Variants in DGKD observed in about 807,000 individuals in gnomAD.
DGKD encodes the protein DAG kinase delta.
A neutral mutation model predicts 154.4 loss-of-function variants in DGKD; 68 were observed. That is an observed-to-expected ratio of 0.44 (90% confidence interval 0.36 to 0.54). DGKD has a LOEUF of 0.54. Ranked by LOEUF, DGKD falls within the 20% of genes least tolerant of loss-of-function variation. The pLI, the probability that DGKD is intolerant of heterozygous loss-of-function variation, is 0.00. For missense variants in DGKD, 1,343 were observed against 1,593.6 expected (o/e 0.84, Z 2.68); for synonymous variants, 693 against 638.0 (o/e 1.09, Z -1.30).
At position 233,438,228 on chromosome 2, in the gene DGKD, G is replaced by T. The variant is rs1165340508; in HGVS notation, c.934G>T (p.Ala312Ser). 1 of 1,614,022 alleles carries T rather than the reference G, an allele frequency of 6.2e-7. No individual in the cohort carries two copies. ...GTTCTTGCGTCCAGGGTTCTGGAAGGCCAGCTGTCCTCCTTCTTGCACAAG... is the reference window on the plus strand; with the variant it reads ...GTTCTTGCGTCCAGGGTTCTGGAAGTCCAGCTGTCCTCCTTCTTGCACAAG... ...NSIDSDGFWK[A>S]SCPPSCTSPL... The change falls in exon 9 of 30, where the codon GCC becomes TCC. Residue 312 changes from alanine (A) to serine (S), a missense_variant. Physicochemically the swap from Ala to Ser is moderately conservative, Grantham distance 99. Around this residue, in one of 6 missense-constraint regions of DGKD, gnomAD observed 332 missense variants for 400.1 expected, o/e 0.83. Transcript: ENST00000264057. The surrounding 1 kb of genome is among the most constrained non-coding windows in gnomAD (Gnocchi z 4.1).
intron 12 of DGKD, 132 bp downstream of exon 12, chr2:233,446,928 G>GAGGC: frequency 9.7e-7 from 1 of 1,027,998 alleles, no homozygotes; most frequent in South Asian, 1.6e-5. Flanking sequence ...CAGGCCTGCG[G>GAGGC]AGGCGCAGGG....
chr2:233,428,175 T>C (rs757260884), intron 3 of DGKD, among the ~76,000 whole-genome samples: 1 of 151,698 alleles, frequency 6.6e-6, no homozygotes, highest in African/African-American at 2.4e-5. Flanking sequence ...TGCCTGCTGG[T>C]TGGTGTGGGG....
At position 233,470,452 on chromosome 2, in the gene DGKD, C is replaced by T. The variant is rs2063975633; in HGVS notation, c.*992C>T. 6.5e-6 allele frequency: 1 copy of T among 152,676 alleles called. No homozygotes were observed. The highest frequency in any genetic ancestry group is 1.5e-5 in the Non-Finnish European group (1 of 68,354). 9.5% of individuals were successfully genotyped at this position (152,676 alleles called of 1,614,324 possible). ...GCCGGAGGCTCTCCTGAGTGTCTGC[C>T]CCTGCAGTGGCTTCTTGTCGCCTGC... On this transcript the variant is annotated 3_prime_UTR_variant, in exon 30 of 30. Transcript: ENST00000264057.
intron 3 of DGKD, among the ~76,000 whole-genome samples, chr2:233,396,683 A>C (rs986736661): frequency 6.6e-6 from 1 of 152,132 alleles, no homozygotes; most frequent in African/African-American, 2.4e-5. Flanking sequence ...TGGTAAATCC[A>C]CTGAGGGAAG....
chr2:233,433,492 A>G lies in DGKD; in HGVS notation c.349-888A>G, dbSNP rs541040570. The stretch of plus-strand genomic sequence containing the variant: ...GGATGGTTAATAGGTACAAAAATGT[A>G]GTTAGAATAAACGAGATCTAGTATT... On this transcript the variant is annotated intron_variant, in intron 3 of 29. Coordinates refer to ENST00000264057, the MANE Select transcript of DGKD (RefSeq NM_152879.3). Among the ~76,000 whole-genome samples, 225 of 152,350 alleles carry G rather than the reference A, an allele frequency of 1.5e-3. 1 individual carries two copies. The highest frequency in any genetic ancestry group is 5.0e-3 in the African/African-American group (209 of 41,570).
chr2:233,357,562 A>C (rs1440238418), intron 1 of DGKD, among the ~76,000 whole-genome samples: 2 of 145,836 alleles, frequency 1.4e-5, no homozygotes, highest in African/African-American at 5.1e-5. Flanking sequence ...TTTTGAGACA[A>C]GGTCTCACTT....
chr2:233,419,920 T>C (rs538312130), intron 3 of DGKD, among the ~76,000 whole-genome samples: 4 of 152,286 alleles, frequency 2.6e-5, no homozygotes, highest in South Asian at 2.1e-4. Context: ...TGTTCTCCTC[T>C]AAAAGCTCCC....
In DGKD at chr2:233,470,962, CG is replaced by C. The variant is rs1332517569; in HGVS notation, c.*1507del. On this transcript the variant is annotated 3_prime_UTR_variant, in exon 30 of 30. Coordinates refer to ENST00000264057, the MANE Select transcript of DGKD (RefSeq NM_152879.3). ...ATGTGCAGAAGCTGGGCTGCACCTGCGGGGGTGGGCATAGACCGGGCTGGGT... is the reference window on the plus strand; with the variant it reads ...ATGTGCAGAAGCTGGGCTGCACCTGCGGGGTGGGCATAGACCGGGCTGGGT... 1 of 152,486 alleles carries C rather than the reference CG, an allele frequency of 6.6e-6. No homozygotes were observed. Among genetic ancestry groups the C allele is most frequent in the Non-Finnish European group, 1.5e-5 (1 of 68,206 alleles). The allele number at this position is 152,486 out of a possible 1,614,324, so 9.4% of individuals were successfully genotyped here.
intron 1 of DGKD, among the ~76,000 whole-genome samples, chr2:233,386,724 A>G (rs1186844262): frequency 6.6e-6 from 1 of 152,228 alleles, no homozygotes; most frequent in African/African-American, 2.4e-5. Flanking sequence ...AGAATGAGTC[A>G]GTAGATTCTT....
Position 233,363,288 on chromosome 2 carries a change from ATGTG to A in DGKD, c.156+8620_156+8623del, listed in dbSNP as rs1411694140. Among the ~76,000 whole-genome samples, 3 of 150,124 alleles carry A rather than the reference ATGTG, an allele frequency of 2.0e-5. No homozygotes were observed. In the East Asian group the frequency reaches 5.9e-4, roughly 30 times the overall value. ...CCTGACTCTGTGTAGGTCTAGGCTA[ATGTG>A]TGTGTTTGTTTCTTAGTTTTTAACA... On this transcript the variant is annotated intron_variant, in intron 1 of 29. Transcript: ENST00000264057.
intron 1 of DGKD, among the ~76,000 whole-genome samples, chr2:233,359,332 G>A (rs1383093504): frequency 6.6e-6 from 1 of 152,158 alleles, no homozygotes; most frequent in African/African-American, 2.4e-5. Flanking sequence ...CAGTTTCCAT[G>A]TCTGTAAAAT....
At position 233,445,615 on chromosome 2, in the gene DGKD, T is replaced by C; in HGVS notation, c.1195-8T>C. 6.2e-7 allele frequency: 1 copy of C among 1,601,356 alleles called. No individual in the cohort carries two copies. ...TTTGCCTGCGCATCGTCCCCCATGT[T>C]TCCTTAGTGTCAGCTGGGAGTGCTG... On this transcript the variant is annotated splice_polypyrimidine_tract_variant and splice_region_variant and intron_variant, in intron 10 of 29. Transcript: ENST00000264057. The surrounding 1 kb of genome is among the most constrained non-coding windows in gnomAD (Gnocchi z 5.5).
intron 3 of DGKD, among the ~76,000 whole-genome samples, chr2:233,400,333 C>T (rs1295358345): frequency 1.3e-5 from 2 of 152,180 alleles, no homozygotes; most frequent in Admixed American, 6.5e-5. Context: ...TGAGCCCTGG[C>T]CAGGTCCCTC....
In DGKD at chr2:233,371,792, G is replaced by A. The variant is rs556835644; in HGVS notation, c.157-16465G>A. On this transcript the variant is annotated intron_variant, in intron 1 of 29. Transcript: ENST00000264057. ...CCAGCACCAGCTGTTGAAGAGGAGC[G>A]CTCTCCAGTTGGAGTCTGCCTCCCC... Among the ~76,000 whole-genome samples, 12 of 152,260 alleles carry A rather than the reference G, an allele frequency of 7.9e-5. 1 individual carries two copies. Among genetic ancestry groups the A allele is most frequent in the African/African-American group, 2.2e-4 (9 of 41,556 alleles).
intron 3 of DGKD, among the ~76,000 whole-genome samples, chr2:233,410,354 A>C (rs1259676092): frequency 6.6e-6 from 1 of 152,092 alleles, no homozygotes; most frequent in Admixed American, 6.5e-5. Flanking sequence ...TTTTCTGTAA[A>C]TCAAGGTCAT....
intron 10 of DGKD, chr2:233,442,291 G>C (rs954872506): frequency 1.9e-6 from 1 of 522,040 alleles, no homozygotes; most frequent in Non-Finnish European, 3.6e-6. Context: ...GGGTGGGGCT[G>C]TTGCTTTACT....
chr2:233,412,505 T>C lies in DGKD; in HGVS notation c.349-21875T>C, dbSNP rs568924334. On this transcript the variant is annotated intron_variant, in intron 3 of 29. Coordinates refer to ENST00000264057, the MANE Select transcript of DGKD (RefSeq NM_152879.3). ...TCTAGTAGTCATTGTGTAGATTCCC[T>C]AGAAAGTTCTATATAAAGTTGTATC... 6.6e-5 allele frequency among the ~76,000 whole-genome samples: 10 copies of C among 152,022 alleles called. No homozygotes were observed. In the South Asian group the frequency reaches 2.1e-3, roughly 32 times the overall value.
In DGKD at chr2:233,402,481, GTA is replaced by G. The variant is rs1440606889; in HGVS notation, c.348+12000_348+12001del. On this transcript the variant is annotated intron_variant, in intron 3 of 29. Coordinates refer to ENST00000264057, the MANE Select transcript of DGKD (RefSeq NM_152879.3). ...GCTCTGCCCTTTGGGGTGACTATGT[GTA>G]TGAATATGAGCTGGAAGAAGCAGGT... Among the ~76,000 whole-genome samples, 4 of 152,180 alleles carry G rather than the reference GTA, an allele frequency of 2.6e-5. No homozygotes were observed. In the East Asian group the frequency reaches 7.7e-4, roughly 29 times the overall value.
rs769465070 is a variant in DGKD at position 233,468,508 on chromosome 2, C to T, written c.3510C>T (p.Asp1170=). The T allele has an allele frequency of 1.2e-6, 2 of 1,613,844 alleles. No individual in the cohort carries two copies. Among genetic ancestry groups the T allele is most frequent in the East Asian group, 2.2e-5 (1 of 44,872 alleles). ...CEYKDIFTRH[D]IRGSELLHLE... ...ATAAGGACATCTTCACACGGCACGACATCCGGGGCTCTGAGCTCCTGCACC... is the reference window on the plus strand; with the variant it reads ...ATAAGGACATCTTCACACGGCACGATATCCGGGGCTCTGAGCTCCTGCACC... Residue 1170 remains aspartate (D), a synonymous_variant, in exon 29 of 30, where the codon GAC becomes GAT. Coordinates refer to ENST00000264057, the MANE Select transcript of DGKD (RefSeq NM_152879.3).
Sources: gnomAD v4.1 joint callset for allele counts (sites outside exome capture counted in the v4.1 genomes callset) on GRCh38, gnomAD v4.1.1 for gene constraint, gnomAD v4.1.1 regional missense constraint, Gnocchi (gnomAD v3.1) non-coding constraint, MANE v1.5 for transcripts, NCBI Gene and HGNC (gene_info 2026-07-23, HGNC 2026-07-21) for gene names.